The following RPS6KB2 variants were observed in gnomAD, a reference collection of about 807,000 sequenced individuals.
RPS6KB2 encodes ribosomal protein S6 kinase beta-2.
RPS6KB2 carries 51 observed loss-of-function variants against 58.2 expected under a neutral mutation model. That is an observed-to-expected ratio of 0.88 (90% CI 0.70 to 1.11). The LOEUF (loss-of-function observed/expected upper bound fraction) is 1.11, where lower values mean the gene tolerates loss of function less well. RPS6KB2 is among the 50% of genes least tolerant of loss of function. RPS6KB2 has a pLI of 0.00. For missense variants in RPS6KB2, 671 were observed against 655.8 expected, an observed-to-expected ratio of 1.02 and a Z score of -0.25; for synonymous variants, 293 against 258.6, an observed-to-expected ratio of 1.13 and a Z score of -1.28.
At chr11:67,429,673 A>C in intron 4 of RPS6KB2, 78 bp downstream of exon 4, 1 of 1,166,486 alleles carries the variant, frequency 8.6e-7, no homozygotes, top group Non-Finnish European at 1.3e-6. Context: ...GGAAGACAGC[A>C]GGGAACACAG....
Position 67,433,467 on chromosome 11 carries a change from T to G in RPS6KB2, c.906+20T>G, listed in dbSNP as rs749271370. ...AAAAAGGTGCAGCTCCCTTCTCTCT[T>G]CTCCGGGGCCCTGCCAGCCATTCTG... is the stretch of plus-strand genomic sequence containing the variant. On this transcript the variant is annotated intron_variant, in intron 10 of 14. Transcript: ENST00000312629. 1.3e-6 allele frequency: 2 copies of G among 1,562,882 alleles called. No individual in the cohort carries two copies. The highest frequency in any genetic ancestry group is 2.2e-5 in the South Asian group (2 of 90,270).
At chr11:67,428,884 C>T (rs1863929962) in intron 1 of RPS6KB2, 98 bp from the exon 2 acceptor site, 1 of 1,423,968 alleles carries the variant, frequency 7.0e-7, no homozygotes, top group African/African-American at 1.4e-5. Context: ...GCTGCCATCC[C>T]TGACACCCTT....
chr11:67,433,314 C>T (rs377206804), intron 9 of RPS6KB2, 26 bp from the exon 10 acceptor site: 6 of 1,605,734 alleles, frequency 3.7e-6, no homozygotes, highest in Admixed American at 1.7e-5. Context: ...GCCCACAAGG[C>T]TCCTCTCACC....
chr11:67,428,841 G>T (rs1297192434), intron 1 of RPS6KB2, 141 bp from the exon 2 acceptor site: 2 of 1,082,736 alleles, frequency 1.8e-6, no homozygotes, highest in African/African-American at 3.1e-5. Flanking sequence ...TCCTGCCTTC[G>T]GTTTCTTCCC....
In RPS6KB2 at chr11:67,431,292, A is replaced by G. The variant is rs553715623; in HGVS notation, c.310-76A>G. On this transcript the variant is annotated intron_variant, in intron 4 of 14. Coordinates refer to ENST00000312629, the MANE Select transcript of RPS6KB2 (RefSeq NM_003952.3). ...TAATCCGCCTGCCTTGGCCTCCTAG[A>G]GTGCTGGGATTACAGGTGTGAGCCA... is the stretch of plus-strand genomic sequence containing the variant. The G allele has an allele frequency of 7.6e-6, 11 of 1,455,742 alleles. No homozygotes were observed. In the South Asian group the frequency reaches 1.3e-4, roughly 18 times the overall value. 90.2% of individuals were successfully genotyped at this position (1,455,742 alleles called of 1,614,324 possible). A position where few individuals can be genotyped will look rare whatever the true frequency, so the allele number is the denominator to read the frequency against.
chr11:67,432,126 G>A (rs1313566642), intron 5 of RPS6KB2: 3 of 362,050 alleles, frequency 8.3e-6, no homozygotes, highest in South Asian at 2.1e-5. Context: ...CCTTTCCCTC[G>A]TTTGGGCCAG....
At position 67,432,846 on chromosome 11, in the gene RPS6KB2, G is replaced by A; in HGVS notation, c.616+9G>A. 2 of 1,613,126 alleles carry A rather than the reference G, an allele frequency of 1.2e-6. No individual in the cohort carries two copies. The highest frequency in any genetic ancestry group is 1.1e-5 in the South Asian group (1 of 91,056). On this transcript the variant is annotated intron_variant, in intron 7 of 14. Coordinates refer to ENST00000312629, the MANE Select transcript of RPS6KB2 (RefSeq NM_003952.3). ...CATGCTCAGCAGCCAGGGTGCGCAT[G>A]TGTGTGCGGGCAGCTGCAGGCGGGG...
rs1405380883 is a variant in RPS6KB2, at chr11:67,435,295, G to A, written c.*126G>A. 1.1e-6 allele frequency: 1 copy of A among 907,376 alleles called. No homozygotes were observed. The highest frequency in any genetic ancestry group is 1.8e-5 in the South Asian group (1 of 56,302). 56.2% of individuals were successfully genotyped at this position (907,376 alleles called of 1,614,324 possible). The stretch of plus-strand genomic sequence containing the variant: ...GGGTGGGGTGTGAGTGCGTATGAAA[G>A]TGTGTGTCTGCTGGGGCAGCTGTGC... On this transcript the variant is annotated 3_prime_UTR_variant, in exon 15 of 15. Coordinates refer to ENST00000312629, the MANE Select transcript of RPS6KB2 (RefSeq NM_003952.3).
At chr11:67,432,885 G>A in intron 7 of RPS6KB2, 48 bp downstream of exon 7, 6 of 1,609,232 alleles carry the variant, frequency 3.7e-6, no homozygotes, top group South Asian at 1.1e-5. Flanking sequence ...GCAATCTGTG[G>A]GGAGGGCTGA....
At chr11:67,432,000 C>T (rs888824245) in intron 5 of RPS6KB2, 60 of 293,352 alleles carry the variant, frequency 2.0e-4, no homozygotes, top group African/African-American at 1.2e-3. Flanking sequence ...CTGCTGAGGT[C>T]ATAGAGCCTG....
chr11:67,433,095 G>C, intron 8 of RPS6KB2, 31 bp from the exon 9 acceptor site: 1 of 1,609,974 alleles, frequency 6.2e-7, no homozygotes, highest in Non-Finnish European at 8.5e-7. Flanking sequence ...GAAGGGGCAC[G>C]GCCTGACTGA....
Position 67,434,634 on chromosome 11 carries a change from C to T in RPS6KB2, c.1208C>T (p.Ser403Phe), listed in dbSNP as rs1195301577. 2 of 1,610,532 alleles carry T rather than the reference C, an allele frequency of 1.2e-6. No homozygotes were observed. The highest frequency in any genetic ancestry group is 1.3e-5 in the African/African-American group (1 of 75,022). Residue 403 changes from serine to phenylalanine, a missense_variant, in exon 14 of 15, where the codon TCC becomes TTC. By Grantham distance (155) the Ser-to-Phe change is radical (BLOSUM62 -2). Transcript: ENST00000312629. ...SVLDSIKEGF[S>F]FQPKLRSPRR... ...CTGGACAGCATCAAGGAGGGCTTCT[C>T]CTTCCAGCCCAAGCTGCGCTCACCC... is the stretch of plus-strand genomic sequence containing the variant.
Position 67,434,674 on chromosome 11 carries a change from T to C in RPS6KB2, c.1248T>C (p.Ser416=). ...TGCGCTCACCCAGGCGCCTCAACAG[T>C]AGCCCCCGGGCCCCCGTCAGGTACT... The part of the protein sequence containing the change: ...PKLRSPRRLN[S]SPRAPVSPLK... The change falls in exon 14 of 15, where the codon AGT becomes AGC. Residue 416 remains serine (S), a synonymous_variant. Coordinates refer to ENST00000312629, the MANE Select transcript of RPS6KB2 (RefSeq NM_003952.3). 1 of 1,609,192 alleles carries C rather than the reference T, an allele frequency of 6.2e-7. No individual in the cohort carries two copies. Among genetic ancestry groups the C allele is most frequent in the Non-Finnish European group, 8.5e-7 (1 of 1,178,576 alleles).
At chr11:67,434,748 T>C (rs1864205304) in intron 14 of RPS6KB2, 54 bp downstream of exon 14, 2 of 1,409,416 alleles carry the variant, frequency 1.4e-6, no homozygotes, top group Non-Finnish European at 2.0e-6. Flanking sequence ...GCAGGCAGGA[T>C]GCCAGCTCCA....
In RPS6KB2 at chr11:67,432,984, AAGG is replaced by A; in HGVS notation, c.652_654del (p.Glu218del). On this transcript the variant is annotated inframe_deletion, in exon 8 of 15. Coordinates refer to ENST00000312629, the MANE Select transcript of RPS6KB2 (RefSeq NM_003952.3). ...CAAACTGACCGACTTTGGACTCTGCAAGGAGTCTATCCATGAGGGCGCCGTCAC... is the reference window on the plus strand; with the variant it reads ...CAAACTGACCGACTTTGGACTCTGCAAGTCTATCCATGAGGGCGCCGTCAC... 2 of 1,613,374 alleles carry A rather than the reference AAGG, an allele frequency of 1.2e-6. No individual in the cohort carries two copies. Among genetic ancestry groups the A allele is most frequent in the Non-Finnish European group, 1.7e-6 (2 of 1,180,022 alleles).
Position 67,428,756 on chromosome 11 carries a change from C to A in RPS6KB2, c.78+133C>A. On this transcript the variant is annotated intron_variant, in intron 1 of 14. Transcript: ENST00000312629. ...ACCCAGATCCTTCTCAGATCCCGGT[C>A]TCTATTAAGTTCTGATCCCACCCTC... 4.2e-6 allele frequency: 4 copies of A among 950,852 alleles called. 1 individual carries two copies. The South Asian group carries it at 6.2e-5, about 15-fold the overall frequency. The allele number at this position is 950,852 out of a possible 1,614,324, so 58.9% of individuals were successfully genotyped here. A position where few individuals can be genotyped will look rare whatever the true frequency, so the allele number is the denominator to read the frequency against.
At position 67,434,030 on chromosome 11, in the gene RPS6KB2, T is replaced by A. The variant is rs778820391; in HGVS notation, c.942T>A (p.Gly314=). Reference sequence around the variant, plus strand: ...GGAATCCCAGCCAGCGGATTGGGGGTGGCCCAGGGGATGCTGCTGATGTGC... The same window carrying A: ...GGAATCCCAGCCAGCGGATTGGGGGAGGCCCAGGGGATGCTGCTGATGTGC... ...LKRNPSQRIG[G]GPGDAADVQR... The change falls in exon 11 of 15, where the codon GGT becomes GGA. Residue 314 remains glycine (G), a synonymous_variant. Coordinates refer to ENST00000312629, the MANE Select transcript of RPS6KB2 (RefSeq NM_003952.3). 1.9e-6 allele frequency: 3 copies of A among 1,613,950 alleles called. No individual in the cohort carries two copies. Among genetic ancestry groups the A allele is most frequent in the Non-Finnish European group, 2.5e-6 (3 of 1,179,984 alleles).
At position 67,429,244 on chromosome 11, in the gene RPS6KB2, G is replaced by C. The variant is rs1297586467; in HGVS notation, c.240+4G>C. Reference sequence around the variant, plus strand: ...GGGCAAGGGGGGCTATGGCAAGGTAGGGGCGGGCGCACCCTCCTCCTGGCC... The same window carrying C: ...GGGCAAGGGGGGCTATGGCAAGGTACGGGCGGGCGCACCCTCCTCCTGGCC... On this transcript the variant is annotated splice_donor_region_variant and intron_variant, in intron 3 of 14. Transcript: ENST00000312629. 6.2e-7 allele frequency: 1 copy of C among 1,612,302 alleles called. No homozygotes were observed. Among genetic ancestry groups the C allele is most frequent in the African/African-American group, 1.3e-5 (1 of 74,932 alleles).
rs370932588 is a variant in RPS6KB2 at position 67,433,008 on chromosome 11, G to A, written c.673G>A (p.Val225Ile). ...CAAGGAGTCTATCCATGAGGGCGCC[G>A]TCACTCACACCTTCTGCGGCACCAT... The part of the protein sequence containing the change: ...LCKESIHEGA[V>I]THTFCGTIEY... The change falls in exon 8 of 15, where the codon GTC becomes ATC. Residue 225 changes from valine to isoleucine, a missense_variant. By Grantham distance (29) the Val-to-Ile change is conservative. Coordinates refer to ENST00000312629, the MANE Select transcript of RPS6KB2 (RefSeq NM_003952.3). The A allele has an allele frequency of 2.4e-5, 38 of 1,613,234 alleles. No homozygotes were observed. Among genetic ancestry groups the A allele is most frequent in the Non-Finnish European group, 2.8e-5 (33 of 1,180,034 alleles).
Sources: gnomAD v4.1 joint callset for allele counts on GRCh38, gnomAD v4.1.1 for gene constraint, MANE v1.5 for transcripts, NCBI Gene and HGNC (gene_info 2026-07-23, HGNC 2026-07-21) for gene names.